CCDC7: variants seen among roughly 807,000 people sequenced by gnomAD.
The protein encoded by CCDC7 is coiled-coil domain containing 7.
Under a neutral mutation model 196.9 loss-of-function variants are expected in CCDC7, and 183 were observed. The ratio of observed to expected loss-of-function variants is 0.93; its 90% CI spans 0.82 to 1.05. CCDC7 has a LOEUF of 1.05. Among genes scored for constraint, CCDC7 ranks in the 50% least tolerant of loss-of-function variants. The probability of loss-of-function intolerance (pLI) is 0.00; values close to 1 mark genes in which losing one functional copy is unlikely to be tolerated. For synonymous variants in CCDC7, 525 were observed against 484.6 expected (o/e 1.08, Z -1.10); for missense variants, 1,540 against 1,482.2 (o/e 1.04, Z -0.64).
At chr10:32,828,541 AAGAAGAAGAAG>A (rs2091719421) in intron 32 of CCDC7, among the ~76,000 whole-genome samples, 1 of 147,652 alleles carries the variant, frequency 6.8e-6, no homozygotes, top group Non-Finnish European at 1.5e-5. Context: ...GAAGAAGAAG[AAGAAGAAGAAG>A]AAGAAGAAAG....
intron 28 of CCDC7, among the ~76,000 whole-genome samples, chr10:32,738,740 C>A (rs2085316411): frequency 6.6e-6 from 1 of 151,998 alleles, no homozygotes; most frequent in African/African-American, 2.4e-5. Flanking sequence ...TCCCAAAATG[C>A]TGGGACTACA....
intron 9 of CCDC7, chr10:32,514,453 A>T (rs1188157768): frequency 6.6e-6 from 1 of 152,250 alleles, no homozygotes; most frequent in African/African-American, 2.4e-5. Context: ...AATGCCAGGG[A>T]CTAACAGTGG....
intron 20 of CCDC7, among the ~76,000 whole-genome samples, chr10:32,652,693 T>C (rs1341782546): frequency 2.6e-5 from 4 of 152,272 alleles, no homozygotes; most frequent in African/African-American, 9.6e-5. Flanking sequence ...TAAAAAAAAC[T>C]TTATACTTTA....
chr10:32,633,267 A>G (rs1269984873), intron 18 of CCDC7, among the ~76,000 whole-genome samples: 3 of 152,190 alleles, frequency 2.0e-5, no homozygotes, highest in African/African-American at 7.2e-5. Flanking sequence ...ATGTACACAA[A>G]CATGCATATA....
intron 14 of CCDC7, among the ~76,000 whole-genome samples, chr10:32,566,711 C>T (rs985296275): frequency 1.3e-5 from 2 of 151,250 alleles, no homozygotes; most frequent in South Asian, 2.1e-4. Context: ...CAAGAATTTG[C>T]GAACAGCCTG....
At chr10:32,858,155 G>A (rs1006914984) in intron 41 of CCDC7, among the ~76,000 whole-genome samples, 1 of 152,096 alleles carries the variant, frequency 6.6e-6, no homozygotes, top group East Asian at 1.9e-4. Flanking sequence ...AACAAAAAAG[G>A]TCAGAACATT....
At chr10:32,572,434 GA>G (rs1406825599) in intron 16 of CCDC7, among the ~76,000 whole-genome samples, 1 of 152,014 alleles carries the variant, frequency 6.6e-6, no homozygotes. Context: ...GAGTAAAGAG[GA>G]ATTACCTAGA....
chr10:32,856,228 A>G (rs1238255075), intron 41 of CCDC7, among the ~76,000 whole-genome samples: 5 of 152,234 alleles, frequency 3.3e-5, no homozygotes, highest in Admixed American at 3.3e-4. Flanking sequence ...ATTTATCAAA[A>G]TTAAAAACTT....
At chr10:32,480,868 T>C (rs2039843403) in intron 8 of CCDC7, among the ~76,000 whole-genome samples, 1 of 152,184 alleles carries the variant, frequency 6.6e-6, no homozygotes, top group South Asian at 2.1e-4. Flanking sequence ...GGTCCATTGG[T>C]GTAAAGTGTG....
chr10:32,852,339 T>A (rs554807699), intron 40 of CCDC7, among the ~76,000 whole-genome samples: 1 of 152,086 alleles, frequency 6.6e-6, no homozygotes, highest in African/African-American at 2.4e-5. Flanking sequence ...TATGTTTAGT[T>A]TTTCCCTTCC....
chr10:32,575,515 A>G (rs915617485), intron 16 of CCDC7, among the ~76,000 whole-genome samples: 1 of 152,034 alleles, frequency 6.6e-6, no homozygotes, highest in Non-Finnish European at 1.5e-5. Flanking sequence ...CCTGAGAGGA[A>G]CCCCCTTCTC....
At chr10:32,828,504 G>A (rs2091675038) in intron 32 of CCDC7, among the ~76,000 whole-genome samples, 1 of 134,218 alleles carries the variant, frequency 7.5e-6, no homozygotes, top group African/African-American at 2.9e-5. Flanking sequence ...AGAAGAAGAA[G>A]AAGAAGAAGA....
intron 18 of CCDC7, among the ~76,000 whole-genome samples, chr10:32,595,985 C>T (rs1017830023): frequency 1.3e-5 from 2 of 152,060 alleles, no homozygotes; most frequent in South Asian, 2.1e-4. Flanking sequence ...TTTTGGAATA[C>T]GTGTGATGTG....
At chr10:32,458,476 T>C (rs56361762) in intron 3 of CCDC7, among the ~76,000 whole-genome samples, 3 of 10,468 alleles carry the variant, frequency 2.9e-4, no homozygotes, top group Non-Finnish European at 1.4e-3. Flanking sequence ...TGTGTGTGTG[T>C]GTGTGCTTTT....
chr10:32,462,450 A>G (rs2035937798), intron 3 of CCDC7, among the ~76,000 whole-genome samples: 1 of 152,138 alleles, frequency 6.6e-6, no homozygotes, highest in Non-Finnish European at 1.5e-5. Flanking sequence ...CTTTTTATAT[A>G]TAAAAAGAAA....
intron 21 of CCDC7, among the ~76,000 whole-genome samples, chr10:32,680,219 A>G (rs1401166962): frequency 6.6e-6 from 1 of 152,166 alleles, no homozygotes; most frequent in Non-Finnish European, 1.5e-5. Flanking sequence ...GACATTGGGC[A>G]GGTTCGCAGT....
intron 41 of CCDC7, among the ~76,000 whole-genome samples, chr10:32,858,787 A>G (rs2093858770): frequency 6.6e-6 from 1 of 152,196 alleles, no homozygotes; most frequent in Admixed American, 6.5e-5. Context: ...CTCTGATAAA[A>G]CAGACTTTAA....
At chr10:32,568,256 C>T (rs1040165207) in intron 15 of CCDC7, among the ~76,000 whole-genome samples, 5 of 152,160 alleles carry the variant, frequency 3.3e-5, no homozygotes, top group South Asian at 2.1e-4. Context: ...CTGCCTGCCT[C>T]GGCCTCCCAA....
chr10:32,845,271 T>C (rs922328369), exon 34 of CCDC7: 1 of 1,574,506 alleles, frequency 6.4e-7, no homozygotes, highest in Non-Finnish European at 8.6e-7. Flanking sequence ...TAGCAGATGA[T>C]ACTGGAAGAG....
Sources: gnomAD v4.1 joint callset for allele counts (sites outside exome capture counted in the v4.1 genomes callset) on GRCh38, gnomAD v4.1.1 for gene constraint, MANE v1.5 for transcripts, NCBI Gene and HGNC (gene_info 2026-07-23, HGNC 2026-07-21) for gene names.